Variants in HMBOX1 observed in about 807,000 individuals in gnomAD.
The protein encoded by HMBOX1 is homeobox containing 1.
Under a neutral mutation model 54.5 loss-of-function variants are expected in HMBOX1, and 14 were observed. The observed-to-expected ratio is 0.26, with a 90% CI of 0.17 to 0.40. The LOEUF is 0.40. HMBOX1 is among the 10% of genes least tolerant of loss of function. HMBOX1 has a pLI of 1.00. For missense variants in HMBOX1, 332 were observed against 514.4 expected (o/e 0.65, Z 3.43); for synonymous variants, 160 against 181.0 (o/e 0.88, Z 0.93).
At chr8:28,919,117 C>T (rs528912995) in intron 1 of HMBOX1, among the ~76,000 whole-genome samples, 2 of 152,314 alleles carry the variant, frequency 1.3e-5, no homozygotes, top group East Asian at 3.9e-4. Flanking sequence ...AACCCAGTAA[C>T]AGATACAGTT....
chr8:28,960,252 A>T (rs1482803408), intron 1 of HMBOX1, among the ~76,000 whole-genome samples: 1 of 151,822 alleles, frequency 6.6e-6, no homozygotes, highest in African/African-American at 2.4e-5. Flanking sequence ...GATTTTTGTT[A>T]TGAAGAACAA....
At chr8:28,934,164 A>G (rs1819978327) in intron 1 of HMBOX1, among the ~76,000 whole-genome samples, 2 of 152,248 alleles carry the variant, frequency 1.3e-5, no homozygotes, top group Admixed American at 6.5e-5. Flanking sequence ...AAATGTAACA[A>G]TGGTTTAACA....
intron 1 of HMBOX1, among the ~76,000 whole-genome samples, chr8:28,929,605 T>C (rs975713533): frequency 4.6e-5 from 7 of 152,228 alleles, no homozygotes; most frequent in African/African-American, 9.6e-5. Context: ...TTTCTCTTTA[T>C]TGAACTAGGA....
At chr8:28,983,252 A>C (rs1170901012) in intron 4 of HMBOX1, among the ~76,000 whole-genome samples, 1 of 152,142 alleles carries the variant, frequency 6.6e-6, no homozygotes, top group African/African-American at 2.4e-5. Context: ...CCATTGTCTA[A>C]AAAATGAAAT....
At chr8:28,906,313 G>A (rs1464007301) in intron 1 of HMBOX1, among the ~76,000 whole-genome samples, 2 of 152,140 alleles carry the variant, frequency 1.3e-5, no homozygotes, top group East Asian at 3.9e-4. Flanking sequence ...TAAGATTATA[G>A]AAGGATAAGA....
At chr8:28,985,936 C>T (rs565260765) in intron 4 of HMBOX1, among the ~76,000 whole-genome samples, 6 of 152,038 alleles carry the variant, frequency 3.9e-5, no homozygotes, top group Admixed American at 3.3e-4. Context: ...TACACTGACA[C>T]GTCATTGTCA....
chr8:28,903,725 T>G (rs1813698788), intron 1 of HMBOX1, among the ~76,000 whole-genome samples: 1 of 152,222 alleles, frequency 6.6e-6, no homozygotes, highest in African/African-American at 2.4e-5. Context: ...GTTGATCAAT[T>G]GATTTTAAAA....
At chr8:28,994,014 G>A (rs114884802) in intron 4 of HMBOX1, among the ~76,000 whole-genome samples, 4,027 of 151,992 alleles carry the variant, frequency 0.026, 192 homozygotes, top group African/African-American at 0.092. Flanking sequence ...CTAAAAATAC[G>A]AAGTTAGCCG....
rs572754364 is a variant in HMBOX1, at chr8:28,969,130, G to A, written c.24-913G>A. Among the ~76,000 whole-genome samples the A allele has an allele frequency of 1.9e-3, 283 of 152,216 alleles. 1 individual carries two copies. The highest frequency in any genetic ancestry group is 2.7e-3 in the Non-Finnish European group (181 of 68,008). On this transcript the variant is annotated intron_variant, in intron 2 of 9. Transcript: ENST00000287701. ...GGAGGTTGCAGTGAGCCAAGACTGC[G>A]CCACTGCACTCCAGCCTGGTTGACA...
intron 6 of HMBOX1, among the ~76,000 whole-genome samples, chr8:29,035,421 AT>A (rs1404698469): frequency 1.3e-5 from 2 of 152,226 alleles, no homozygotes; most frequent in Non-Finnish European, 2.9e-5. Context: ...AAGAAACTTA[AT>A]TCTAGGTCAC....
intron 1 of HMBOX1, 133 bp downstream of exon 1, chr8:28,890,811 GC>G (rs2131440741): frequency 6.6e-6 from 1 of 152,586 alleles, no homozygotes; most frequent in East Asian, 1.9e-4. Context: ...CTCGTAAGCG[GC>G]CGGATTGAGA....
chr8:28,905,339 GCGCACACACACGCA>G (rs1318416785), intron 1 of HMBOX1, among the ~76,000 whole-genome samples: 1 of 152,050 alleles, frequency 6.6e-6, no homozygotes, highest in Non-Finnish European at 1.5e-5. Context: ...GCGCGTGCAT[GCGCACACACACGCA>G]CGCACACACA....
At chr8:29,015,701 G>C (rs116617347) in intron 5 of HMBOX1, among the ~76,000 whole-genome samples, 2 of 152,154 alleles carry the variant, frequency 1.3e-5, no homozygotes, top group East Asian at 3.8e-4. Flanking sequence ...AAGGGTTTCA[G>C]TTTAGAATTT....
intron 6 of HMBOX1, among the ~76,000 whole-genome samples, chr8:29,044,529 G>T (rs1045759092): frequency 6.6e-6 from 1 of 151,916 alleles, no homozygotes; most frequent in African/African-American, 2.4e-5. Context: ...TTTAACAAAT[G>T]AAAAAGAAAA....
intron 1 of HMBOX1, among the ~76,000 whole-genome samples, chr8:28,905,881 T>C (rs1336700629): frequency 6.6e-6 from 1 of 152,236 alleles, no homozygotes; most frequent in African/African-American, 2.4e-5. Context: ...ACCCAGCATC[T>C]CAATTTTCAC....
chr8:29,039,179 G>GTGAC (rs1458245354), intron 6 of HMBOX1, among the ~76,000 whole-genome samples: 3 of 152,024 alleles, frequency 2.0e-5, no homozygotes, highest in Non-Finnish European at 4.4e-5. Context: ...GTATCTCCTG[G>GTGAC]TGACTACTTG....
chr8:28,981,636 G>A (rs796265633), intron 4 of HMBOX1, among the ~76,000 whole-genome samples: 1 of 151,524 alleles, frequency 6.6e-6, no homozygotes, highest in Non-Finnish European at 1.5e-5. Context: ...TTTTTTTCAG[G>A]TAGAAGCATT....
In HMBOX1 at chr8:28,907,599, C is replaced by G. The variant is rs1335476878; in HGVS notation, c.-58+16921C>G. Among the ~76,000 whole-genome samples the G allele has an allele frequency of 2.0e-5, 3 of 152,078 alleles. No homozygotes were observed. The East Asian group carries it at 5.8e-4, about 29-fold the overall frequency. On this transcript the variant is annotated intron_variant, in intron 1 of 9. Coordinates refer to ENST00000287701, the MANE Select transcript of HMBOX1 (RefSeq NM_001135726.3). The stretch of plus-strand genomic sequence containing the variant: ...CAGTGATTTGTTATGTGCCTCTGCT[C>G]CTGATTATGTGTCTTAAGAGGCCTA...
intron 1 of HMBOX1, among the ~76,000 whole-genome samples, chr8:28,926,708 C>T (rs1013392529): frequency 3.9e-5 from 6 of 152,128 alleles, no homozygotes; most frequent in Admixed American, 1.3e-4. Flanking sequence ...GCTAGGACTA[C>T]AAGTGTATAC....
Sources: allele counts gnomAD v4.1 joint callset (sites outside exome capture counted in the v4.1 genomes callset), GRCh38; gene constraint gnomAD v4.1.1; transcripts MANE v1.5; gene names NCBI Gene and HGNC (gene_info 2026-07-23, HGNC 2026-07-21).